SNX29: variants seen among roughly 807,000 people sequenced by gnomAD.
The protein encoded by SNX29 is sorting nexin-29.
Under a neutral mutation model 102.1 loss-of-function variants are expected in SNX29, and 78 were observed. That is an observed-to-expected ratio of 0.76 (90% CI 0.64 to 0.92). SNX29 has a LOEUF of 0.92. Among genes scored for constraint, SNX29 ranks in the 40% least tolerant of loss-of-function variants. The pLI, the probability that SNX29 is intolerant of heterozygous loss-of-function variation, is 0.00. For synonymous variants in SNX29, 580 were observed against 414.5 expected (o/e 1.40, Z -4.85); for missense variants, 1,280 against 1,061.7 (o/e 1.21, Z -2.86).
intron 14 of SNX29, among the ~76,000 whole-genome samples, chr16:12,242,797 C>T (rs1268691490): frequency 6.6e-6 from 1 of 152,024 alleles, no homozygotes; most frequent in Non-Finnish European, 1.5e-5. Context: ...GCTGGGACTG[C>T]AGGTGCCCAC....
intron 15 of SNX29, among the ~76,000 whole-genome samples, chr16:12,294,565 G>A (rs1021865356): frequency 3.3e-5 from 5 of 152,124 alleles, no homozygotes; most frequent in Non-Finnish European, 7.4e-5. Context: ...GGATGGCTGT[G>A]GGCTCATGCT....
Position 12,572,589 on chromosome 16 carries a change from C to G in SNX29, c.*3960C>G. 9.4e-7 allele frequency: 1 copy of G among 1,064,080 alleles called. No homozygotes were observed. The allele number at this position is 1,064,080 out of a possible 1,614,324, so 65.9% of individuals were successfully genotyped here. A position where few individuals can be genotyped will look rare whatever the true frequency, so the allele number is the denominator to read the frequency against. On this transcript the variant is annotated 3_prime_UTR_variant, in exon 21 of 21. Coordinates refer to ENST00000566228, the MANE Select transcript of SNX29 (RefSeq NM_032167.5). Reference sequence around the variant, plus strand: ...GAGGTCCAGCCATGTTCTCTGGGCTCCCAGTGAGCCCCCTCCCCTCCGGCT... The same window carrying G: ...GAGGTCCAGCCATGTTCTCTGGGCTGCCAGTGAGCCCCCTCCCCTCCGGCT...
At chr16:12,418,135 C>T (rs2084718067) in intron 18 of SNX29, among the ~76,000 whole-genome samples, 1 of 152,116 alleles carries the variant, frequency 6.6e-6, no homozygotes, top group Non-Finnish European at 1.5e-5. Flanking sequence ...ATAGTATTCA[C>T]CCAGAACTTT....
At chr16:12,503,636 C>T (rs1409501234) in intron 19 of SNX29, among the ~76,000 whole-genome samples, 4 of 152,194 alleles carry the variant, frequency 2.6e-5, no homozygotes, top group African/African-American at 9.7e-5. Context: ...GGCTCCAGGG[C>T]TGGAGCGATC....
At chr16:12,520,935 A>G (rs1006977149) in intron 19 of SNX29, among the ~76,000 whole-genome samples, 1 of 152,194 alleles carries the variant, frequency 6.6e-6, no homozygotes, top group African/African-American at 2.4e-5. Flanking sequence ...GCAGTAGCTC[A>G]TGCCTGTAAT....
At chr16:12,108,072 A>G (rs937432108) in intron 11 of SNX29, among the ~76,000 whole-genome samples, 3 of 152,208 alleles carry the variant, frequency 2.0e-5, no homozygotes, top group Non-Finnish European at 2.9e-5. Context: ...TTTGACATCA[A>G]TTGCTCTTTG....
intron 18 of SNX29, among the ~76,000 whole-genome samples, chr16:12,464,923 CT>C (rs1444304302): frequency 6.6e-6 from 1 of 152,196 alleles, no homozygotes; most frequent in Non-Finnish European, 1.5e-5. Context: ...TGTCTCTTAT[CT>C]TTTGGAGAAG....
In SNX29 at chr16:12,119,813, C is replaced by G. The variant is rs148421463; in HGVS notation, c.1403-6820C>G. 5.9e-5 allele frequency among the ~76,000 whole-genome samples: 9 copies of G among 152,374 alleles called. 1 individual carries two copies. Among genetic ancestry groups the G allele is most frequent in the African/African-American group, 2.2e-4 (9 of 41,602 alleles). ...CCTGAGGCAAGTCACTTCCCTTCTC[C>G]TGGTCTCTGTTGCCTCATTCAGACA... On this transcript the variant is annotated intron_variant, in intron 11 of 20. Coordinates refer to ENST00000566228, the MANE Select transcript of SNX29 (RefSeq NM_032167.5).
chr16:12,015,258 T>A (rs1242088716), intron 3 of SNX29, among the ~76,000 whole-genome samples: 1 of 152,060 alleles, frequency 6.6e-6, no homozygotes, highest in Non-Finnish European at 1.5e-5. Context: ...TAATTTTTTA[T>A]ATTTTTTGGA....
intron 13 of SNX29, among the ~76,000 whole-genome samples, chr16:12,130,569 A>G (rs1389062942): frequency 6.6e-6 from 1 of 151,912 alleles, no homozygotes; most frequent in East Asian, 1.9e-4. Context: ...GTATATATGC[A>G]CGTGGTTCAA....
intron 18 of SNX29, among the ~76,000 whole-genome samples, chr16:12,441,255 T>A (rs2085795956): frequency 1.3e-5 from 2 of 149,648 alleles, no homozygotes; most frequent in Non-Finnish European, 3.0e-5. Flanking sequence ...ACCCGGCTGA[T>A]TTTTTTTTAT....
At chr16:12,357,020 C>T (rs926122435) in intron 16 of SNX29, among the ~76,000 whole-genome samples, 1 of 152,206 alleles carries the variant, frequency 6.6e-6, no homozygotes, top group Admixed American at 6.5e-5. Flanking sequence ...ATTTTGGATT[C>T]AGTAGTGTCT....
chr16:12,189,694 T>C (rs2076595469), intron 13 of SNX29, among the ~76,000 whole-genome samples: 1 of 152,168 alleles, frequency 6.6e-6, no homozygotes, highest in African/African-American at 2.4e-5. Context: ...GCATTAAATT[T>C]TCCATTAATT....
Position 12,202,608 on chromosome 16 carries a change from C to T in SNX29, c.1678+2925C>T, listed in dbSNP as rs551421122. 5.9e-5 allele frequency among the ~76,000 whole-genome samples: 9 copies of T among 152,306 alleles called. No individual in the cohort carries two copies. In the East Asian group the frequency reaches 9.7e-4, roughly 16 times the overall value. On this transcript the variant is annotated intron_variant, in intron 14 of 20. Transcript: ENST00000566228. ...ATTTGATTAATTCTGTTGTTAATGGCGTTGGACACCCTTTCTCCTCGCCAC... is the reference window on the plus strand; with the variant it reads ...ATTTGATTAATTCTGTTGTTAATGGTGTTGGACACCCTTTCTCCTCGCCAC...
chr16:12,566,105 C>T (rs1014434775), intron 20 of SNX29, among the ~76,000 whole-genome samples: 2 of 152,230 alleles, frequency 1.3e-5, no homozygotes, highest in African/African-American at 2.4e-5. Flanking sequence ...AAAACCACCC[C>T]ACCTTTATTC....
intron 15 of SNX29, among the ~76,000 whole-genome samples, chr16:12,313,317 G>A (rs778886170): frequency 1.3e-5 from 2 of 152,114 alleles, no homozygotes; most frequent in Non-Finnish European, 2.9e-5. Context: ...CCTGGCCTGG[G>A]TTTTTTTAAA....
At chr16:12,378,431 C>T (rs982432935) in intron 16 of SNX29, among the ~76,000 whole-genome samples, 6 of 152,142 alleles carry the variant, frequency 3.9e-5, no homozygotes, top group Non-Finnish European at 7.4e-5. Context: ...AGGCGGATTA[C>T]CTGAGGTCAG....
chr16:12,288,898 T>A (rs1180956197), intron 15 of SNX29, among the ~76,000 whole-genome samples: 1 of 152,176 alleles, frequency 6.6e-6, no homozygotes, highest in African/African-American at 2.4e-5. Context: ...ACCCCCTGAC[T>A]GACCCCAGAG....
intron 14 of SNX29, among the ~76,000 whole-genome samples, chr16:12,274,541 T>C (rs1393359511): frequency 1.5e-5 from 2 of 131,842 alleles, no homozygotes; most frequent in African/African-American, 2.9e-5. Context: ...TCCCCACCTC[T>C]TTTTTTTTTT....
Sources: allele counts gnomAD v4.1 joint callset (sites outside exome capture counted in the v4.1 genomes callset), GRCh38; gene constraint gnomAD v4.1.1; transcripts MANE v1.5; gene names NCBI Gene and HGNC (gene_info 2026-07-23, HGNC 2026-07-21).